Variants in TENM1 observed in about 807,000 individuals in gnomAD.
The protein encoded by TENM1 is teneurin-1.
In TENM1, 35 loss-of-function variants were observed where a neutral mutation model predicts 174.8. That is an observed-to-expected ratio of 0.20 (90% CI 0.15 to 0.27). The LOEUF is 0.27. Among genes scored for constraint, TENM1 ranks in the 10% least tolerant of loss-of-function variants. TENM1 has a pLI of 1.00. For missense variants in TENM1, 1,633 were observed against 2,130.1 expected (o/e 0.77, Z 4.59); for synonymous variants, 781 against 798.7 (o/e 0.98, Z 0.37).
intron 3 of TENM1, among the ~76,000 whole-genome samples, chrX:124,871,548 G>A (rs896900138): frequency 1.8e-5 from 2 of 111,950 alleles, no homozygotes; most frequent in African/African-American, 6.5e-5. Context: ...GGCAAGTTGA[G>A]TTTAAGATAT....
At chrX:125,015,760 T>C in the TENM1 span, among the ~76,000 whole-genome samples, 1 of 111,721 alleles carries the variant, frequency 9.0e-6, no homozygotes, top group African/African-American at 3.3e-5. Flanking sequence ...GAAAGGGCAT[T>C]GCGTAGAATG....
chrX:124,898,878 CTAAT>C (rs2057608608), intron 1 of TENM1, among the ~76,000 whole-genome samples: 2 of 112,081 alleles, frequency 1.8e-5, no homozygotes, highest in African/African-American at 3.2e-5. Flanking sequence ...CATAAATTCT[CTAAT>C]TAAATACAGT....
chrX:124,522,837 T>C (rs74901119), intron 17 of TENM1, among the ~76,000 whole-genome samples: 4 of 110,799 alleles, frequency 3.6e-5, no homozygotes, highest in African/African-American at 1.3e-4. Flanking sequence ...TACAGGCATG[T>C]GCCACCATGC....
the TENM1 span, among the ~76,000 whole-genome samples, chrX:125,099,555 C>T: frequency 8.9e-6 from 1 of 111,852 alleles, no homozygotes; most frequent in African/African-American, 3.2e-5. Flanking sequence ...CTGCCCTCTA[C>T]AGCACATCCA....
At chrX:124,635,418 T>C (rs779220217) in intron 11 of TENM1, among the ~76,000 whole-genome samples, 1 of 112,335 alleles carries the variant, frequency 8.9e-6, no homozygotes, top group South Asian at 3.7e-4. Context: ...TGATAATACC[T>C]TATATGATTT....
chrX:124,785,869 C>T (rs765814920), intron 3 of TENM1, among the ~76,000 whole-genome samples: 120 of 111,876 alleles, frequency 1.1e-3, no homozygotes, highest in Non-Finnish European at 1.8e-3. Flanking sequence ...AAATATTGTA[C>T]TTTGCTCAAT....
the TENM1 span, among the ~76,000 whole-genome samples, chrX:125,175,870 TA>T: frequency 8.9e-6 from 1 of 112,244 alleles, no homozygotes; most frequent in Non-Finnish European, 1.9e-5. Flanking sequence ...ATATATTTGC[TA>T]AATAAAGAAT....
At chrX:124,623,418 G>T (rs1225579076) in intron 11 of TENM1, among the ~76,000 whole-genome samples, 1 of 111,745 alleles carries the variant, frequency 8.9e-6, no homozygotes, top group African/African-American at 3.3e-5. Flanking sequence ...TTGACTGTAT[G>T]AATATGCAAG....
At chrX:124,783,373 T>C (rs1211229890) in intron 3 of TENM1, among the ~76,000 whole-genome samples, 1 of 110,967 alleles carries the variant, frequency 9.0e-6, no homozygotes, top group Non-Finnish European at 1.9e-5. Context: ...TTCTGTACTA[T>C]TTATTTCATG....
intron 11 of TENM1, among the ~76,000 whole-genome samples, chrX:124,566,501 G>A (rs1484962275): frequency 8.9e-6 from 1 of 112,192 alleles, no homozygotes; most frequent in Admixed American, 9.5e-5. Context: ...CTTGCTGGAG[G>A]AAGAGAAGTA....
chrX:124,920,619 C>T (rs900873101), intron 1 of TENM1, among the ~76,000 whole-genome samples: 3 of 110,987 alleles, frequency 2.7e-5, no homozygotes, highest in African/African-American at 9.8e-5. Context: ...TTCATATTTC[C>T]CCCCACAGTT....
the TENM1 span, among the ~76,000 whole-genome samples, chrX:125,134,107 T>G: frequency 1.8e-5 from 2 of 111,645 alleles, no homozygotes; most frequent in Non-Finnish European, 3.8e-5. Flanking sequence ...CATCTGACCT[T>G]TGAATAAGTG....
chrX:124,491,295 ACCT>A (rs2047060426), intron 20 of TENM1, among the ~76,000 whole-genome samples: 1 of 111,660 alleles, frequency 9.0e-6, no homozygotes, highest in East Asian at 2.8e-4. Context: ...ACAATTTTGG[ACCT>A]GATACCCTCA....
the TENM1 span, among the ~76,000 whole-genome samples, chrX:125,104,599 C>G: frequency 9.3e-6 from 1 of 107,935 alleles, no homozygotes; most frequent in South Asian, 4.1e-4. Context: ...TCACCCCTGT[C>G]CATATCTCAT....
At chrX:125,058,228 CA>C in the TENM1 span, among the ~76,000 whole-genome samples, 1 of 110,994 alleles carries the variant, frequency 9.0e-6, no homozygotes, top group Non-Finnish European at 1.9e-5. Context: ...TGCATATGGA[CA>C]AAAAAAGTTC....
At chrX:124,953,698 G>T (rs1339978241) in intron 1 of TENM1, among the ~76,000 whole-genome samples, 1 of 111,414 alleles carries the variant, frequency 9.0e-6, no homozygotes, top group Non-Finnish European at 1.9e-5. Flanking sequence ...GTTTCCCAGG[G>T]GACAATCATC....
intron 20 of TENM1, among the ~76,000 whole-genome samples, chrX:124,493,703 C>G (rs73550451): frequency 0.061 from 6,765 of 111,044 alleles, 197 homozygotes; most frequent in African/African-American, 0.11. Context: ...ACCATCTTGG[C>G]CTTCCTGTTG....
At chrX:124,693,569 C>T (rs2052579894) in intron 5 of TENM1, among the ~76,000 whole-genome samples, 1 of 111,278 alleles carries the variant, frequency 9.0e-6, no homozygotes, top group African/African-American at 3.3e-5. Context: ...TTCATTTTCA[C>T]GATGGGTTTA....
At chrX:124,502,208 A>G (rs2047346831) in intron 19 of TENM1, among the ~76,000 whole-genome samples, 1 of 112,553 alleles carries the variant, frequency 8.9e-6, no homozygotes, top group Admixed American at 9.4e-5. Context: ...GCTGTTAAAA[A>G]TTCTCAGAAA....
Sources: gnomAD v4.1 joint callset for allele counts (sites outside exome capture counted in the v4.1 genomes callset) on GRCh38, gnomAD v4.1.1 for gene constraint, MANE v1.5 for transcripts, NCBI Gene and HGNC (gene_info 2026-07-23, HGNC 2026-07-21) for gene names.